The following PRSS50 variants were observed in gnomAD, a reference collection of about 807,000 sequenced individuals.
PRSS50 encodes the protein probable threonine protease PRSS50.
In PRSS50, 23 loss-of-function variants were observed where a neutral mutation model predicts 34.2. That is an observed-to-expected ratio of 0.67 (90% CI 0.48 to 0.95). PRSS50 has a LOEUF of 0.95. Ranked by LOEUF, PRSS50 falls within the 40% of genes least tolerant of loss-of-function variation. The pLI is 0.00. For synonymous variants in PRSS50, 224 were observed against 211.2 expected, an observed-to-expected ratio of 1.06 and a Z score of -0.53; for missense variants, 484 against 513.4, an observed-to-expected ratio of 0.94 and a Z score of 0.55.
chr3:46,715,663 G>A lies in PRSS50; in HGVS notation c.342C>T (p.Leu114=). The A allele has an allele frequency of 6.2e-7, 1 of 1,610,326 alleles. No homozygotes were observed. The highest frequency in any genetic ancestry group is 8.5e-7 in the Non-Finnish European group (1 of 1,178,332). The stretch of plus-strand genomic sequence containing the variant: ...GCCGAGCCACGGCTTCTGGGTCCCT[G>A]AGGGTGGGGTCCTGCTCGTAGGAAA... ...CGFSYEQDPT[L]RDPEAVARRW... is the part of the protein sequence containing the mutation. Residue 114 remains leucine (L), a synonymous_variant, in exon 3 of 6, where the codon CTC becomes CTT. Coordinates refer to ENST00000315170, the MANE Select transcript of PRSS50 (RefSeq NM_013270.5). This position sits in a 1 kb window ranked among gnomAD's most constrained non-coding sequence, Gnocchi z 5.2.
chr3:46,714,394 C>T lies in PRSS50; in HGVS notation c.578G>A (p.Arg193Gln), dbSNP rs201421841. The T allele has an allele frequency of 1.9e-5, 31 of 1,613,476 alleles. No individual in the cohort carries two copies. The East Asian group carries it at 3.8e-4, about 20-fold the overall frequency. The change falls in exon 4 of 6, where the codon CGG (arginine) becomes CAG (glutamine). Residue 193 changes from arginine to glutamine, a missense_variant. Arg to Gln is a conservative substitution (Grantham distance 43, BLOSUM62 1). Coordinates refer to ENST00000315170, the MANE Select transcript of PRSS50 (RefSeq NM_013270.5). Reference protein sequence around the residue: ...VLQVIMHSRYRAQRFWSWVGQ... With the variant: ...VLQVIMHSRYQAQRFWSWVGQ... ...CACCCAGGACCAGAACCGCTGGGCC[C>T]GGTACCTGCTATGCATGATGACCTG...
intron 4 of PRSS50, among the ~76,000 whole-genome samples, 180 bp from the exon 5 acceptor site, chr3:46,713,247 A>G (rs56313683): frequency 0.29 from 44,748 of 151,940 alleles, 8,149 homozygotes; most frequent in African/African-American, 0.52. Flanking sequence ...GGAGCAGAGT[A>G]CCCCCAACCC....
At chr3:46,713,424 G>T (rs1180499224) in intron 4 of PRSS50, among the ~76,000 whole-genome samples, 1 of 152,150 alleles carries the variant, frequency 6.6e-6, no homozygotes, top group Non-Finnish European at 1.5e-5. Flanking sequence ...CCTCTTCCCT[G>T]CTGAGCCTTC....
chr3:46,717,827 C>G lies in PRSS50; in HGVS notation c.-3G>C, dbSNP rs1301703939. Reference sequence around the variant, plus strand: ...ACGGTCTGGCACCAGCGACCCATCCCGGGGTGGCAGCCGACTGCGTCTCTC... The same window carrying G: ...ACGGTCTGGCACCAGCGACCCATCCGGGGGTGGCAGCCGACTGCGTCTCTC... On this transcript the variant is annotated 5_prime_UTR_variant, in exon 1 of 6. Coordinates refer to ENST00000315170, the MANE Select transcript of PRSS50 (RefSeq NM_013270.5). This position sits in a 1 kb window ranked among gnomAD's most constrained non-coding sequence, Gnocchi z 4.5. The G allele has an allele frequency of 2.7e-6, 4 of 1,499,060 alleles. No homozygotes were observed. Among genetic ancestry groups the G allele is most frequent in the Non-Finnish European group, 3.6e-6 (4 of 1,126,276 alleles). The allele number at this position is 1,499,060 out of a possible 1,614,324, so 92.9% of individuals were successfully genotyped here.
In PRSS50 at chr3:46,716,375, C is replaced by G. The variant is rs1300984335; in HGVS notation, c.308-678G>C. ...GGCTCAAATGATCTTCCCACCTCAGCCTCCTGAATAGCTGGGACTACAGGC... is the reference window on the plus strand; with the variant it reads ...GGCTCAAATGATCTTCCCACCTCAGGCTCCTGAATAGCTGGGACTACAGGC... On this transcript the variant is annotated intron_variant, in intron 2 of 5. Coordinates refer to ENST00000315170, the MANE Select transcript of PRSS50 (RefSeq NM_013270.5). This position sits in a 1 kb window ranked among gnomAD's most constrained non-coding sequence, Gnocchi z 4.4. 6.6e-6 allele frequency among the ~76,000 whole-genome samples: 1 copy of G among 152,158 alleles called. No homozygotes were observed. The highest frequency in any genetic ancestry group is 2.4e-5 in the African/African-American group (1 of 41,428).
rs1700694479 is a variant in PRSS50 at position 46,717,185 on chromosome 3, C to G, written c.307+252G>C. 6.6e-6 allele frequency among the ~76,000 whole-genome samples: 1 copy of G among 152,154 alleles called. No homozygotes were observed. The highest frequency in any genetic ancestry group is 6.5e-5 in the Admixed American group (1 of 15,286). ...GCGGGAACACACAGCCGGCCCCAGGCCCCTCTGACTTTCCTGCCCCCTACC... is the reference window on the plus strand; with the variant it reads ...GCGGGAACACACAGCCGGCCCCAGGGCCCTCTGACTTTCCTGCCCCCTACC... On this transcript the variant is annotated intron_variant, in intron 2 of 5. Coordinates refer to ENST00000315170, the MANE Select transcript of PRSS50 (RefSeq NM_013270.5). The surrounding 1 kb of genome is among the most constrained non-coding windows in gnomAD (Gnocchi z 4.5).
At position 46,716,114 on chromosome 3, in the gene PRSS50, G is replaced by C. The variant is rs1700681033; in HGVS notation, c.308-417C>G. On this transcript the variant is annotated intron_variant, in intron 2 of 5. Coordinates refer to ENST00000315170, the MANE Select transcript of PRSS50 (RefSeq NM_013270.5). This position sits in a 1 kb window ranked among gnomAD's most constrained non-coding sequence, Gnocchi z 4.4. ...TCTGGGAACCCCTTTCTGTGGCTCAGTGAGAGGAAAGTGGATGCCCCAACA... is the reference window on the plus strand; with the variant it reads ...TCTGGGAACCCCTTTCTGTGGCTCACTGAGAGGAAAGTGGATGCCCCAACA... Among the ~76,000 whole-genome samples the C allele has an allele frequency of 6.6e-6, 1 of 152,214 alleles. No individual in the cohort carries two copies. Among genetic ancestry groups the C allele is most frequent in the African/African-American group, 2.4e-5 (1 of 41,446 alleles).
chr3:46,713,047 T>G lies in PRSS50; in HGVS notation c.775A>C (p.Thr259Pro), dbSNP rs769213622. The stretch of plus-strand genomic sequence containing the variant: ...ATGATGACTTCCTTCTCCTGAATGG[T>G]CCGGAACTGAGGCCACATGCCTGTG... Reference protein sequence around the residue: ...KADGMWPQFRTIQEKEVIILN... With the variant: ...KADGMWPQFRPIQEKEVIILN... Residue 259 changes from threonine (T) to proline (P), a missense_variant, in exon 5 of 6, where the codon ACC becomes CCC. By Grantham distance (38) the Thr-to-Pro change is conservative. Transcript: ENST00000315170. 3 of 1,614,014 alleles carry G rather than the reference T, an allele frequency of 1.9e-6. No homozygotes were observed. Among genetic ancestry groups the G allele is most frequent in the South Asian group, 2.2e-5 (2 of 91,080 alleles).
Position 46,717,424 on chromosome 3 carries a change from C to G in PRSS50, c.307+13G>C, listed in dbSNP as rs374788868. On this transcript the variant is annotated intron_variant, in intron 2 of 5. Transcript: ENST00000315170. This position sits in a 1 kb window ranked among gnomAD's most constrained non-coding sequence, Gnocchi z 4.5. ...CCTCCTTGCCCCACGGAGTCTACAC[C>G]CCTGGTACTCACAGCGGTATGGGTC... The G allele has an allele frequency of 2.7e-5, 43 of 1,613,672 alleles. No homozygotes were observed. Among genetic ancestry groups the G allele is most frequent in the Non-Finnish European group, 3.5e-5 (41 of 1,179,836 alleles).
rs764256389 is a variant in PRSS50, at chr3:46,712,968, G to A, written c.854C>T (p.Thr285Ile). Residue 285 changes from threonine (T) to isoleucine (I), a missense_variant, in exon 5 of 6, where the codon ACT (threonine) becomes ATT (isoleucine). Transcript: ENST00000315170. Reference sequence around the variant, plus strand: ...CTGGGACTTGATGATCTGAACCAGAGTGGGGATTTTGGTGAAGTTGTGGTA... The same window carrying A: ...CTGGGACTTGATGATCTGAACCAGAATGGGGATTTTGGTGAAGTTGTGGTA... ...NFYHNFTKIPTLVQIIKSQMM... is the reference protein window; with the variant it reads ...NFYHNFTKIPILVQIIKSQMM... The A allele has an allele frequency of 4.3e-6, 7 of 1,614,058 alleles. No homozygotes were observed. In the Admixed American group the frequency reaches 1.2e-4, roughly 27 times the overall value.
At position 46,717,176 on chromosome 3, in the gene PRSS50, G is replaced by A. The variant is rs1318485239; in HGVS notation, c.307+261C>T. 1.3e-5 allele frequency among the ~76,000 whole-genome samples: 2 copies of A among 152,134 alleles called. No homozygotes were observed. The highest frequency in any genetic ancestry group is 1.9e-4 in the East Asian group (1 of 5,178). ...TCAGGCGAGGCGGGAACACACAGCC[G>A]GCCCCAGGCCCCTCTGACTTTCCTG... On this transcript the variant is annotated intron_variant, in intron 2 of 5. Transcript: ENST00000315170. This position sits in a 1 kb window ranked among gnomAD's most constrained non-coding sequence, Gnocchi z 4.5.
chr3:46,717,793 C>G lies in PRSS50; in HGVS notation c.32G>C (p.Gly11Ala). MGRWCQTVAR[G>A]QRPRTSAPSR... Reference sequence around the variant, plus strand: ...GGGGGCAGACGTCCGGGGGCGCTGCCCGCGCGCGACGGTCTGGCACCAGCG... The same window carrying G: ...GGGGGCAGACGTCCGGGGGCGCTGCGCGCGCGCGACGGTCTGGCACCAGCG... The change falls in exon 1 of 6, where the codon GGG (glycine) becomes GCG (alanine). Residue 11 changes from glycine to alanine, a missense_variant. Transcript: ENST00000315170. The surrounding 1 kb of genome is among the most constrained non-coding windows in gnomAD (Gnocchi z 4.5). 3 of 1,548,132 alleles carry G rather than the reference C, an allele frequency of 1.9e-6. No homozygotes were observed. Among genetic ancestry groups the G allele is most frequent in the Non-Finnish European group, 2.6e-6 (3 of 1,147,958 alleles).
rs1700696613 is a variant in PRSS50, at chr3:46,717,359, C to T, written c.307+78G>A. On this transcript the variant is annotated intron_variant, in intron 2 of 5. Coordinates refer to ENST00000315170, the MANE Select transcript of PRSS50 (RefSeq NM_013270.5). This position sits in a 1 kb window ranked among gnomAD's most constrained non-coding sequence, Gnocchi z 4.5. ...CCTGCTCGCCCCCGTCCCTTCTGCT[C>T]CCCTAGCCCCAGCCAAGGTCCTTAA... The T allele has an allele frequency of 1.3e-6, 2 of 1,532,518 alleles. No homozygotes were observed. Among genetic ancestry groups the T allele is most frequent in the African/African-American group, 1.4e-5 (1 of 72,852 alleles). 94.9% of individuals were successfully genotyped at this position (1,532,518 alleles called of 1,614,324 possible).
rs759956225 is a variant in PRSS50 at position 46,714,305 on chromosome 3, G to A, written c.667C>T (p.Arg223Trp). The stretch of plus-strand genomic sequence containing the variant: ...TCCGTGCCAGGCAGGCAGATGGGCC[G>A]CACGTAATTGCTGTACTTGAGTTCC... Reference protein sequence around the residue: ...KQELKYSNYVRPICLPGTDYV... With the variant: ...KQELKYSNYVWPICLPGTDYV... Residue 223 changes from arginine (R) to tryptophan (W), a missense_variant, in exon 4 of 6, where the codon CGG (arginine) becomes TGG (tryptophan). Transcript: ENST00000315170. 1.7e-5 allele frequency: 28 copies of A among 1,614,014 alleles called. No homozygotes were observed. Among genetic ancestry groups the A allele is most frequent in the Middle Eastern group, 1.6e-4 (1 of 6,084 alleles).
In PRSS50 at chr3:46,712,142, A is replaced by G. The variant is rs1167978636; in HGVS notation, c.*104T>C. 14 of 1,006,246 alleles carry G rather than the reference A, an allele frequency of 1.4e-5. No homozygotes were observed. The highest frequency in any genetic ancestry group is 2.0e-5 in the Non-Finnish European group (14 of 685,588). 62.3% of individuals were successfully genotyped at this position (1,006,246 alleles called of 1,614,324 possible). Reference sequence around the variant, plus strand: ...CATGGAAAACAGTAATGTTTAATTGAGCACCTCATCTCCACCCTGACTCTC... The same window carrying G: ...CATGGAAAACAGTAATGTTTAATTGGGCACCTCATCTCCACCCTGACTCTC... On this transcript the variant is annotated 3_prime_UTR_variant, in exon 6 of 6. Transcript: ENST00000315170.
chr3:46,715,390 T>C lies in PRSS50; in HGVS notation c.470+145A>G, dbSNP rs1700668185. The C allele has an allele frequency of 1.8e-6, 2 of 1,102,656 alleles. No homozygotes were observed. The highest frequency in any genetic ancestry group is 3.2e-5 in the African/African-American group (2 of 63,164). 68.3% of individuals were successfully genotyped at this position (1,102,656 alleles called of 1,614,324 possible). A position where few individuals can be genotyped will look rare whatever the true frequency, so the allele number is the denominator to read the frequency against. The stretch of plus-strand genomic sequence containing the variant: ...AAAAGACTGGAGCTCTGAAGGAATT[T>C]TCAGGACTCAGCCTCCACCTGCTTG... On this transcript the variant is annotated intron_variant, in intron 3 of 5. Coordinates refer to ENST00000315170, the MANE Select transcript of PRSS50 (RefSeq NM_013270.5). This position sits in a 1 kb window ranked among gnomAD's most constrained non-coding sequence, Gnocchi z 5.2.
At position 46,714,345 on chromosome 3, in the gene PRSS50, G is replaced by A; in HGVS notation, c.627C>T (p.Leu209=). 1.2e-6 allele frequency: 2 copies of A among 1,614,056 alleles called. No individual in the cohort carries two copies. The highest frequency in any genetic ancestry group is 8.5e-7 in the Non-Finnish European group (1 of 1,180,006). ...ACTTGAGTTCCTGCTTGAGCTTGAG[G>A]AGGCCGATGTCGTTGGCCTGGCCCA... ...SWVGQANDIG[L]LKLKQELKYS... The change falls in exon 4 of 6, where the codon CTC becomes CTT. Residue 209 remains leucine, a synonymous_variant. Transcript: ENST00000315170.
chr3:46,714,667 C>T (rs1327472487), intron 3 of PRSS50, among the ~76,000 whole-genome samples, 166 bp from the exon 4 acceptor site: 1 of 152,178 alleles, frequency 6.6e-6, no homozygotes, highest in Non-Finnish European at 1.5e-5. Flanking sequence ...GAACAGGGCC[C>T]TGCACACTCA....
intron 4 of PRSS50, 22 bp from the exon 5 acceptor site, chr3:46,713,089 A>G (rs943144411): frequency 3.7e-6 from 6 of 1,611,844 alleles, no homozygotes; most frequent in South Asian, 1.1e-5. Context: ...GGCCCCATTT[A>G]GGCGCAGCCA....
Sources: gnomAD v4.1 joint callset for allele counts (sites outside exome capture counted in the v4.1 genomes callset) on GRCh38, gnomAD v4.1.1 for gene constraint, Gnocchi (gnomAD v3.1) non-coding constraint, MANE v1.5 for transcripts, NCBI Gene and HGNC (gene_info 2026-07-23, HGNC 2026-07-21) for gene names.